ACTR1A: variants seen among roughly 807,000 people sequenced by gnomAD.
ACTR1A encodes the protein alpha-centractin.
In ACTR1A, 10 loss-of-function variants were observed where a neutral mutation model predicts 50.7. The ratio of observed to expected loss-of-function variants is 0.20; its 90% CI spans 0.12 to 0.33. ACTR1A has a LOEUF of 0.33. ACTR1A is among the 10% of genes least tolerant of loss of function. ACTR1A has a pLI of 1.00. For missense variants in ACTR1A, 253 were observed against 491.7 expected, an observed-to-expected ratio of 0.51 and a Z score of 4.59; for synonymous variants, 177 against 184.2, an observed-to-expected ratio of 0.96 and a Z score of 0.32.
intron 4 of ACTR1A, among the ~76,000 whole-genome samples, chr10:102,487,631 C>CTT (rs145832320): frequency 6.8e-5 from 8 of 117,026 alleles, no homozygotes; most frequent in Non-Finnish European, 1.1e-4. Flanking sequence ...CTTGGCTTTT[C>CTT]TTTTTTTTTT....
intron 1 of ACTR1A, 77 bp downstream of exon 1, chr10:102,502,523 C>T: frequency 1.3e-6 from 2 of 1,541,574 alleles, no homozygotes. Flanking sequence ...GCCGGCGGCT[C>T]AGGCTGAACC....
chr10:102,481,575 C>A (rs1361028743), intron 9 of ACTR1A, among the ~76,000 whole-genome samples: 1 of 152,156 alleles, frequency 6.6e-6, no homozygotes, highest in South Asian at 2.1e-4. Context: ...TGAAAGATCA[C>A]GCAGGGGGCC....
chr10:102,480,834 C>T lies in ACTR1A; in HGVS notation c.*29G>A, dbSNP rs2062135398. 1 of 1,562,016 alleles carries T rather than the reference C, an allele frequency of 6.4e-7. No homozygotes were observed. Among genetic ancestry groups the T allele is most frequent in the East Asian group, 2.2e-5 (1 of 44,636 alleles). Reference sequence around the variant, plus strand: ...GCGAGTTTTAAAGTGGAGTTAACTTCAGAGAGAGGTGAAGATGATGTCCCG... The same window carrying T: ...GCGAGTTTTAAAGTGGAGTTAACTTTAGAGAGAGGTGAAGATGATGTCCCG... On this transcript the variant is annotated 3_prime_UTR_variant, in exon 11 of 11. Transcript: ENST00000369905.
At position 102,480,638 on chromosome 10, in the gene ACTR1A, G is replaced by A. The variant is rs536719669; in HGVS notation, c.*225C>T. The A allele has an allele frequency of 5.2e-6, 3 of 574,788 alleles. No individual in the cohort carries two copies. The highest frequency in any genetic ancestry group is 4.3e-5 in the South Asian group (2 of 46,596). The allele number at this position is 574,788 out of a possible 1,614,324, so 35.6% of individuals were successfully genotyped here. ...CTGCCAGCGCTCTTCCCTGTCAGGA[G>A]CCAGTTAGTGGTCAACCCCAGGCCT... On this transcript the variant is annotated 3_prime_UTR_variant, in exon 11 of 11. Coordinates refer to ENST00000369905, the MANE Select transcript of ACTR1A (RefSeq NM_005736.4).
chr10:102,498,196 A>G (rs1267078192), intron 1 of ACTR1A, among the ~76,000 whole-genome samples: 1 of 151,806 alleles, frequency 6.6e-6, no homozygotes, highest in Non-Finnish European at 1.5e-5. Flanking sequence ...ACACTAAAGC[A>G]AAAAAAATAC....
chr10:102,482,952 G>T lies in ACTR1A; in HGVS notation c.750+59C>A. 1.4e-6 allele frequency: 2 copies of T among 1,395,882 alleles called. No homozygotes were observed. The highest frequency in any genetic ancestry group is 1.2e-5 in the South Asian group (1 of 86,614). The allele number at this position is 1,395,882 out of a possible 1,614,324, so 86.5% of individuals were successfully genotyped here. A position where few individuals can be genotyped will look rare whatever the true frequency, so the allele number is the denominator to read the frequency against. On this transcript the variant is annotated intron_variant, in intron 7 of 10. Transcript: ENST00000369905. The surrounding 1 kb of genome is among the most constrained non-coding windows in gnomAD (Gnocchi z 5.6). ...CTCCAGACCCTGATGGAGAATTCTG[G>T]TTGGGCCCAGAGCTTTTGTGGACCT...
intron 1 of ACTR1A, among the ~76,000 whole-genome samples, chr10:102,501,767 G>T (rs891880146): frequency 6.6e-6 from 1 of 152,174 alleles, no homozygotes; most frequent in East Asian, 1.9e-4. Context: ...TTTTTGTGAG[G>T]ATCCAACTCG....
rs1554839429 is a variant in ACTR1A at position 102,488,297 on chromosome 10, T to TAC, written c.190-24_190-23dup. On this transcript the variant is annotated intron_variant, in intron 3 of 10. Coordinates refer to ENST00000369905, the MANE Select transcript of ACTR1A (RefSeq NM_005736.4). This position sits in a 1 kb window ranked among gnomAD's most constrained non-coding sequence, Gnocchi z 4.4. ...GCTCCTGGGAAAAGAGAACAGGACT[T>TAC]ACGACTGCAGTCAGGCTCCACCCAG... The TAC allele has an allele frequency of 6.2e-6, 10 of 1,608,482 alleles. No individual in the cohort carries two copies. In the Admixed American group the frequency reaches 1.7e-4, roughly 27 times the overall value.
chr10:102,498,074 G>C (rs1231321744), intron 1 of ACTR1A, among the ~76,000 whole-genome samples: 2 of 148,528 alleles, frequency 1.3e-5, no homozygotes, highest in Non-Finnish European at 1.5e-5. Flanking sequence ...CTGGGCAACA[G>C]AGTGAGACCT....
chr10:102,497,731 T>C, intron 1 of ACTR1A, among the ~76,000 whole-genome samples: 1 of 152,060 alleles, frequency 6.6e-6, no homozygotes, highest in Non-Finnish European at 1.5e-5. Context: ...TGACTTATCT[T>C]CCAGAGTATA....
chr10:102,488,776 T>C lies in ACTR1A; in HGVS notation c.189+287A>G, dbSNP rs968294732. ...AAAATAATAAACACAGTAAATTTGA[T>C]CACTGACAAGGCAGTGACAGGATGC... On this transcript the variant is annotated intron_variant, in intron 3 of 10. Coordinates refer to ENST00000369905, the MANE Select transcript of ACTR1A (RefSeq NM_005736.4). The surrounding 1 kb of genome is among the most constrained non-coding windows in gnomAD (Gnocchi z 4.4). Among the ~76,000 whole-genome samples the C allele has an allele frequency of 7.2e-5, 11 of 152,190 alleles. No homozygotes were observed. Among genetic ancestry groups the C allele is most frequent in the African/African-American group, 2.7e-4 (11 of 41,448 alleles).
At position 102,482,062 on chromosome 10, in the gene ACTR1A, C is replaced by T; in HGVS notation, c.864G>A (p.Met288Ile). The T allele has an allele frequency of 6.2e-7, 1 of 1,614,198 alleles. No homozygotes were observed. The highest frequency in any genetic ancestry group is 1.1e-5 in the South Asian group (1 of 91,082). The change falls in exon 8 of 11, where the codon ATG becomes ATA. Residue 288 changes from methionine to isoleucine, a missense_variant. Physicochemically the swap from Met to Ile is conservative, Grantham distance 10. Coordinates refer to ENST00000369905, the MANE Select transcript of ACTR1A (RefSeq NM_005736.4). This position sits in a 1 kb window ranked among gnomAD's most constrained non-coding sequence, Gnocchi z 5.6. ...VLVFAIQKSDMDLRRTLFSNI... is the reference protein window; with the variant it reads ...VLVFAIQKSDIDLRRTLFSNI... ...TAGAGAAAAGCGTGCGCCGCAGGTC[C>T]ATGTCTGACTTCTGAATGGCGAACA...
At position 102,482,828 on chromosome 10, in the gene ACTR1A, C is replaced by A. The variant is rs953739198; in HGVS notation, c.750+183G>T. 4 of 602,356 alleles carry A rather than the reference C, an allele frequency of 6.6e-6. No homozygotes were observed. The highest frequency in any genetic ancestry group is 5.5e-5 in the African/African-American group (3 of 54,200). The allele number at this position is 602,356 out of a possible 1,614,324, so 37.3% of individuals were successfully genotyped here. A position where few individuals can be genotyped will look rare whatever the true frequency, so the allele number is the denominator to read the frequency against. Reference sequence around the variant, plus strand: ...TCTCATAATGTTTTAAGAAAGTTTACGACTTTGTGTTGGGCCTTACTGAAA... The same window carrying A: ...TCTCATAATGTTTTAAGAAAGTTTAAGACTTTGTGTTGGGCCTTACTGAAA... On this transcript the variant is annotated intron_variant, in intron 7 of 10. Transcript: ENST00000369905. The surrounding 1 kb of genome is among the most constrained non-coding windows in gnomAD (Gnocchi z 5.6).
intron 5 of ACTR1A, among the ~76,000 whole-genome samples, chr10:102,484,883 A>G (rs1342284345): frequency 6.6e-6 from 1 of 152,198 alleles, no homozygotes; most frequent in Non-Finnish European, 1.5e-5. Flanking sequence ...TTCAGTGCGG[A>G]GAGGCCAACA....
intron 2 of ACTR1A, 89 bp downstream of exon 2, chr10:102,490,460 A>C: frequency 9.8e-7 from 1 of 1,021,738 alleles, no homozygotes; most frequent in Non-Finnish European, 1.5e-6. Flanking sequence ...TCCTTTGTTG[A>C]CTCCAAACTC....
In ACTR1A at chr10:102,490,536, C is replaced by G; in HGVS notation, c.113+13G>C. 1 of 1,609,308 alleles carries G rather than the reference C, an allele frequency of 6.2e-7. No individual in the cohort carries two copies. The highest frequency in any genetic ancestry group is 1.1e-5 in the South Asian group (1 of 91,014). On this transcript the variant is annotated intron_variant, in intron 2 of 10. Coordinates refer to ENST00000369905, the MANE Select transcript of ACTR1A (RefSeq NM_005736.4). The stretch of plus-strand genomic sequence containing the variant: ...ATGAGCCTCCAAAACGTCTAAGCTA[C>G]AGAATGACTTACTAGTTTGGAAAGC...
At chr10:102,485,106 A>G (rs1413102491) in intron 5 of ACTR1A, among the ~76,000 whole-genome samples, 1 of 152,182 alleles carries the variant, frequency 6.6e-6, no homozygotes, top group Non-Finnish European at 1.5e-5. Context: ...GGTCAAATAA[A>G]TCCCACGTGT....
In ACTR1A at chr10:102,482,338, A is replaced by G; in HGVS notation, c.751-163T>C. On this transcript the variant is annotated intron_variant, in intron 7 of 10. Coordinates refer to ENST00000369905, the MANE Select transcript of ACTR1A (RefSeq NM_005736.4). The surrounding 1 kb of genome is among the most constrained non-coding windows in gnomAD (Gnocchi z 5.6). ...GTCAAGGGCTTAAAGGAACAAAGAT[A>G]GGCCTCCTGGAAACTAGTGAGGGGA... 1 of 658,432 alleles carries G rather than the reference A, an allele frequency of 1.5e-6. No individual in the cohort carries two copies. Among genetic ancestry groups the G allele is most frequent in the Non-Finnish European group, 2.6e-6 (1 of 386,578 alleles). 40.8% of individuals were successfully genotyped at this position (658,432 alleles called of 1,614,324 possible).
chr10:102,498,858 C>T (rs887711631), intron 1 of ACTR1A, among the ~76,000 whole-genome samples: 1 of 152,056 alleles, frequency 6.6e-6, no homozygotes, highest in Non-Finnish European at 1.5e-5. Flanking sequence ...AGGAGCTGCT[C>T]CTATCTTACA....
Sources: allele counts gnomAD v4.1 joint callset (sites outside exome capture counted in the v4.1 genomes callset), GRCh38; gene constraint gnomAD v4.1.1; non-coding constraint Gnocchi (gnomAD v3.1); transcripts MANE v1.5; gene names NCBI Gene and HGNC (gene_info 2026-07-23, HGNC 2026-07-21).